The following RP1 variants were observed in gnomAD, a reference collection of about 807,000 sequenced individuals.
The protein encoded by RP1 is RP1 axonemal microtubule associated.
Under a neutral mutation model 14.8 loss-of-function variants are expected in RP1, and 16 were observed. The observed-to-expected ratio is 1.08, with a 90% CI of 0.73 to 1.65. The LOEUF (loss-of-function observed/expected upper bound fraction) is 1.65, where lower values mean the gene tolerates loss of function less well. RP1 is among the 40% of genes most tolerant of loss of function. RP1 has a pLI of 0.00. For synonymous variants in RP1, 876 were observed against 883.6 expected (o/e 0.99, Z 0.15); for missense variants, 2,631 against 2,535.0 (o/e 1.04, Z -0.81).
Position 54,691,755 on chromosome 8 carries a change from AGG to A in RP1, c.1718-7709_1718-7708del. Among the ~76,000 whole-genome samples the A allele has an allele frequency of 1.3e-5, 2 of 152,100 alleles. 1 individual carries two copies. Reference sequence around the variant, plus strand: ...AATCACTGATAAAATGCAGATTAATAGGGGAAAAAGCATACAAATATATATAT... The same window carrying A: ...AATCACTGATAAAATGCAGATTAATAGGAAAAAGCATACAAATATATATAT... On this transcript the variant is annotated intron_variant, in intron 12 of 22. Coordinates refer to the RP1 transcript ENST00000636932.
At chr8:54,764,899 A>G (rs1809723192) in intron 22 of RP1, among the ~76,000 whole-genome samples, 1 of 151,968 alleles carries the variant, frequency 6.6e-6, no homozygotes, top group South Asian at 2.1e-4. Flanking sequence ...TAGAATTAGC[A>G]TGAGTTAAAA....
At chr8:54,697,468 T>G (rs1212919059) in intron 12 of RP1, among the ~76,000 whole-genome samples, 1 of 152,116 alleles carries the variant, frequency 6.6e-6, no homozygotes, top group Non-Finnish European at 1.5e-5. Flanking sequence ...GGCAGGAGAA[T>G]CACTTGAACC....
intron 17 of RP1, among the ~76,000 whole-genome samples, chr8:54,733,475 T>G (rs910206541): frequency 6.6e-6 from 1 of 152,186 alleles, no homozygotes; most frequent in Non-Finnish European, 1.5e-5. Flanking sequence ...TAGCATTTGT[T>G]TTTATTTATA....
exon 14 of RP1, chr8:54,701,636 T>C: frequency 6.5e-7 from 1 of 1,534,820 alleles, no homozygotes; most frequent in Non-Finnish European, 8.7e-7. Flanking sequence ...TGCAAATCTT[T>C]CAAAAGAATT....
intron 1 of RP1, among the ~76,000 whole-genome samples, chr8:54,603,808 T>C (rs1805355148): frequency 1.3e-5 from 2 of 152,226 alleles, no homozygotes; most frequent in South Asian, 4.1e-4. Flanking sequence ...CAATTATGAA[T>C]GGGAGTTCAC....
intron 3 of RP1, among the ~76,000 whole-genome samples, chr8:54,638,613 C>G (rs761655608): frequency 6.6e-6 from 1 of 151,942 alleles, no homozygotes; most frequent in African/African-American, 2.4e-5. Context: ...ACATGTGACC[C>G]CTCTCCCCTT....
intron 19 of RP1, among the ~76,000 whole-genome samples, chr8:54,750,833 C>T (rs1046037048): frequency 6.6e-6 from 1 of 152,184 alleles, no homozygotes; most frequent in Non-Finnish European, 1.5e-5. Flanking sequence ...TAAAACGCAC[C>T]AATCAGCAGG....
At chr8:54,653,925 C>T (rs1806705623) in intron 5 of RP1, among the ~76,000 whole-genome samples, 1 of 151,964 alleles carries the variant, frequency 6.6e-6, no homozygotes, top group Admixed American at 6.6e-5. Context: ...ATTTGATAGC[C>T]AATAAGCAAG....
At chr8:54,704,448 G>A (rs1337252002) in intron 14 of RP1, among the ~76,000 whole-genome samples, 6 of 152,088 alleles carry the variant, frequency 3.9e-5, no homozygotes, top group Non-Finnish European at 5.9e-5. Context: ...AAATAATTAC[G>A]ATAGTTAACA....
At chr8:54,652,153 G>T (rs922740151) in intron 4 of RP1, among the ~76,000 whole-genome samples, 15 of 151,900 alleles carry the variant, frequency 9.9e-5, no homozygotes, top group African/African-American at 3.1e-4. Context: ...GATTACAGGC[G>T]CCTGCCAACA....
At chr8:54,711,351 T>C (rs960588255) in intron 15 of RP1, among the ~76,000 whole-genome samples, 1 of 152,194 alleles carries the variant, frequency 6.6e-6, no homozygotes, top group Non-Finnish European at 1.5e-5. Flanking sequence ...TCCAATCCTG[T>C]TCTTGGAAGA....
At position 54,621,258 on chromosome 8, in the gene RP1, C is replaced by T. The variant is rs1805856546; in HGVS notation, c.292C>T (p.Leu98=). The change falls in exon 2 of 4, where the codon CTG becomes TTG. Residue 98 remains leucine (L), a synonymous_variant. Transcript: ENST00000220676. ...GCACAGCATCACGCGCCTGGAGGAG[C>T]TGGAGGACGGCGAGTCCTACCTATG... The part of the protein sequence containing the change: ...GRHSITRLEE[L]EDGESYLCSH... The T allele has an allele frequency of 5.0e-6, 8 of 1,614,136 alleles. No individual in the cohort carries two copies. In the East Asian group the frequency reaches 1.3e-4, roughly 27 times the overall value.
intron 22 of RP1, chr8:54,759,130 CTGTGTGTGTGTGTGTG>C (rs3077333): frequency 1.6e-4 from 120 of 768,422 alleles, no homozygotes; most frequent in Admixed American, 2.8e-4. Flanking sequence ...GTGGATGATG[CTGTGTGTGTGTGTGTG>C]TGTGTGTGTG....
At chr8:54,860,948 A>G (rs1259154844) in intron 27 of RP1, among the ~76,000 whole-genome samples, 1 of 152,190 alleles carries the variant, frequency 6.6e-6, no homozygotes, top group African/African-American at 2.4e-5. Flanking sequence ...GATATTTGGA[A>G]ATTTCAATGG....
At chr8:54,734,366 G>T (rs1489997206) in intron 17 of RP1, among the ~76,000 whole-genome samples, 1 of 152,128 alleles carries the variant, frequency 6.6e-6, no homozygotes, top group Non-Finnish European at 1.5e-5. Flanking sequence ...CAGTTGACCA[G>T]AACCTTGCTG....
At chr8:54,745,648 A>G (rs1011730744) in intron 19 of RP1, among the ~76,000 whole-genome samples, 16 of 151,160 alleles carry the variant, frequency 1.1e-4, no homozygotes, top group Non-Finnish European at 1.8e-4. Flanking sequence ...TGAATATTTT[A>G]TGTGATAAAG....
intron 12 of RP1, chr8:54,696,666 T>C (rs1033883036): frequency 1.3e-5 from 11 of 816,986 alleles, no homozygotes; most frequent in Non-Finnish European, 2.2e-5. Flanking sequence ...TTGGCCTTTG[T>C]TGTACGCATC....
chr8:54,571,817 G>T lies in RP1; in HGVS notation c.-13+12497G>T, dbSNP rs1804530188. 2.0e-5 allele frequency among the ~76,000 whole-genome samples: 3 copies of T among 152,010 alleles called. No individual in the cohort carries two copies. In the South Asian group the frequency reaches 6.2e-4, roughly 32 times the overall value. On this transcript the variant is annotated intron_variant, in intron 1 of 22. Transcript: ENST00000636932. The stretch of plus-strand genomic sequence containing the variant: ...CTGGCCTTTTTTTTAGCATTTCTTG[G>T]CTTGAGGAAGTATCATCAATCTTGC...
At chr8:54,634,255 A>G (rs1399631619), downstream of RP1, among the ~76,000 whole-genome samples, 1 of 152,224 alleles carries the variant, frequency 6.6e-6, no homozygotes, top group Non-Finnish European at 1.5e-5. Context: ...ATTGTATTTA[A>G]CTTACAAATT....
Sources: gnomAD v4.1 joint callset for allele counts (sites outside exome capture counted in the v4.1 genomes callset) on GRCh38, gnomAD v4.1.1 for gene constraint, MANE v1.5 for transcripts, NCBI Gene and HGNC (gene_info 2026-07-23, HGNC 2026-07-21) for gene names.